The following PKD1 variants were observed in gnomAD, a reference collection of about 807,000 sequenced individuals.
The protein encoded by PKD1 is polycystin 1, transient receptor potential channel interacting.
In PKD1, 81 loss-of-function variants were observed where a neutral mutation model predicts 361.7. The observed-to-expected ratio is 0.22, with a 90% CI of 0.19 to 0.27. The LOEUF is 0.27. Among genes scored for constraint, PKD1 ranks in the 10% least tolerant of loss-of-function variants. PKD1 has a pLI of 1.00. For synonymous variants in PKD1, 3,615 were observed against 2,818.3 expected, an observed-to-expected ratio of 1.28 and a Z score of -8.95; for missense variants, 6,399 against 6,118.3, an observed-to-expected ratio of 1.05 and a Z score of -1.53.
At position 2,089,365 on chromosome 16, in the gene PKD1, G is replaced by A. The variant is rs912624205; in HGVS notation, c.*362C>T. On this transcript the variant is annotated 3_prime_UTR_variant, in exon 46 of 46. Transcript: ENST00000262304. ...AACTTAGGGGCAGGGTGGCGGCGGTGCAGGCTAACCCTCCCTGAAGCCAGC... is the reference window on the plus strand; with the variant it reads ...AACTTAGGGGCAGGGTGGCGGCGGTACAGGCTAACCCTCCCTGAAGCCAGC... The A allele has an allele frequency of 5.3e-6, 2 of 373,976 alleles. No homozygotes were observed. The highest frequency in any genetic ancestry group is 2.0e-5 in the African/African-American group (1 of 48,880). 23.2% of individuals were successfully genotyped at this position (373,976 alleles called of 1,614,324 possible). A position where few individuals can be genotyped will look rare whatever the true frequency, so the allele number is the denominator to read the frequency against.
At chr16:2,107,720 AG>A (rs1172908138) in intron 16 of PKD1, 162 bp downstream of exon 16, 1 of 704,814 alleles carries the variant, frequency 1.4e-6, no homozygotes, top group Non-Finnish European at 2.5e-6. Context: ...CAGGTTTGGA[AG>A]GAAGCAAAGC....
chr16:2,111,838 G>T lies in PKD1; in HGVS notation c.3329C>A (p.Ala1110Asp). The change falls in exon 15 of 46, where the codon GCC (alanine) becomes GAC (aspartate). Residue 1110 changes from alanine (A) to aspartate (D), a missense_variant. Physicochemically the swap from Ala to Asp is moderately radical, Grantham distance 126. Coordinates refer to ENST00000262304, the MANE Select transcript of PKD1 (RefSeq NM_001009944.3). Reference sequence around the variant, plus strand: ...CACCTGCTGCGTCAGGTTCTCGAAGGCATTAGATGCCAGCACGGTCAGGAG... The same window carrying T: ...CACCTGCTGCGTCAGGTTCTCGAAGTCATTAGATGCCAGCACGGTCAGGAG... ...EYLLTVLASN[A>D]FENLTQQVPV... is the part of the protein sequence containing the mutation. 1 of 1,610,280 alleles carries T rather than the reference G, an allele frequency of 6.2e-7. No individual in the cohort carries two copies. The highest frequency in any genetic ancestry group is 1.1e-5 in the South Asian group (1 of 90,982).
Position 2,105,937 on chromosome 16 carries a change from T to C in PKD1, c.7791A>G (p.Pro2597=), listed in dbSNP as rs566533475. Residue 2597 remains proline, a synonymous_variant, in exon 20 of 46, where the codon CCA becomes CCG. Coordinates refer to ENST00000262304, the MANE Select transcript of PKD1 (RefSeq NM_001009944.3). ...WLHGLTASVL[P]GLLRQADPQH... ...GGGGATCGGCCTGCCGCAGCAGCCC[T>C]GGGAGCACACTAGCGGTGAGCCCGT... is the stretch of plus-strand genomic sequence containing the variant. 76 of 1,598,206 alleles carry C rather than the reference T, an allele frequency of 4.8e-5. 2 individuals carry two copies. Among genetic ancestry groups the C allele is most frequent in the African/African-American group, 2.7e-4 (20 of 74,936 alleles).
In PKD1 at chr16:2,089,787, G is replaced by A. The variant is rs772867583; in HGVS notation, c.12852C>T (p.Ala4284=). The A allele has an allele frequency of 3.1e-6, 5 of 1,597,854 alleles. No homozygotes were observed. The highest frequency in any genetic ancestry group is 1.1e-5 in the South Asian group (1 of 88,900). The part of the protein sequence containing the change: ...LARASRGVDL[A]TGPSRTPLRA... The stretch of plus-strand genomic sequence containing the variant: ...GAAGGGGTGTCCTGCTGGGGCCAGT[G>A]GCCAGGTCCACACCCCGACTGGCCC... Residue 4284 remains alanine (A), a synonymous_variant, in exon 46 of 46, where the codon GCC becomes GCT. Transcript: ENST00000262304.
At chr16:2,117,211 C>G (rs1384310563) in intron 6 of PKD1, among the ~76,000 whole-genome samples, 158 bp from the exon 7 acceptor site, 1 of 152,224 alleles carries the variant, frequency 6.6e-6, no homozygotes, top group African/African-American at 2.4e-5. Context: ...AGGCTCACAG[C>G]AGCACCCACC....
intron 26 of PKD1, 187 bp downstream of exon 26, chr16:2,101,874 G>A (rs2092111142): frequency 1.6e-6 from 1 of 626,342 alleles, no homozygotes; most frequent in African/African-American, 1.8e-5. Flanking sequence ...CCAGCTAGGA[G>A]CTGTCCTAGT....
At chr16:2,104,713 G>T in intron 21 of PKD1, 71 bp from the exon 22 acceptor site, 1 of 857,380 alleles carries the variant, frequency 1.2e-6, no homozygotes, top group Non-Finnish European at 1.9e-6. Context: ...TCTCTACACG[G>T]GTCCTCACCT....
intron 1 of PKD1, among the ~76,000 whole-genome samples, chr16:2,131,031 T>C (rs2151850009): frequency 6.6e-6 from 1 of 152,314 alleles, no homozygotes; most frequent in South Asian, 2.1e-4. Flanking sequence ...GGACAACCTC[T>C]GGGACAATGG....
In PKD1 at chr16:2,108,620, T is replaced by A; in HGVS notation, c.6547A>T (p.Thr2183Ser). The A allele has an allele frequency of 6.4e-7, 1 of 1,559,796 alleles. No homozygotes were observed. The highest frequency in any genetic ancestry group is 1.4e-5 in the African/African-American group (1 of 74,024). ...VDLRDCVTYQ[T>S]EYRWEVYRTA... ...CGATACACCTCCCAGCGGTACTCAG[T>A]CTGGTAGGTGACGCAGTCGCGCAGG... Residue 2183 changes from threonine to serine, a missense_variant, in exon 15 of 46, where the codon ACT (threonine) becomes TCT (serine). By Grantham distance (58) the Thr-to-Ser change is moderately conservative. Transcript: ENST00000262304.
rs536675983 is a variant in PKD1 at position 2,109,032 on chromosome 16, G to A, written c.6135C>T (p.Ala2045=). 12 of 1,609,022 alleles carry A rather than the reference G, an allele frequency of 7.5e-6. No individual in the cohort carries two copies. Among genetic ancestry groups the A allele is most frequent in the Middle Eastern group, 1.9e-4 (1 of 5,324 alleles). ...CCAGCGTGCGGTTCTCACTGCCCAG[G>A]GCGTTGAAGGCGCGCACCTGGATCT... ...LLEIQVRAFN[A]LGSENRTLVL... is the part of the protein sequence containing the mutation. The change falls in exon 15 of 46, where the codon GCC becomes GCT. Residue 2045 remains alanine, a synonymous_variant. Transcript: ENST00000262304.
chr16:2,124,426 C>T (rs1041496625), intron 1 of PKD1, among the ~76,000 whole-genome samples: 1 of 152,246 alleles, frequency 6.6e-6, no homozygotes, highest in African/African-American at 2.4e-5. Context: ...AAGCCTGAGG[C>T]TGGCAGGGCC....
At chr16:2,108,102 G>A (rs2092406130) in intron 15 of PKD1, 70 bp from the exon 16 acceptor site, 2 of 1,565,022 alleles carry the variant, frequency 1.3e-6, no homozygotes, top group East Asian at 2.3e-5. Context: ...GCCCGGCCCA[G>A]GAGACAGCGC....
intron 1 of PKD1, among the ~76,000 whole-genome samples, chr16:2,130,158 G>A (rs541072252): frequency 1.2e-4 from 19 of 152,354 alleles, no homozygotes; most frequent in East Asian, 1.9e-4. Flanking sequence ...ACGCAGGCAC[G>A]TTCTGAACGC....
At position 2,093,054 on chromosome 16, in the gene PKD1, G is replaced by A; in HGVS notation, c.11056C>T (p.Leu3686=). 2 of 1,612,856 alleles carry A rather than the reference G, an allele frequency of 1.2e-6. No individual in the cohort carries two copies. The highest frequency in any genetic ancestry group is 2.2e-5 in the East Asian group (1 of 44,884). Reference sequence around the variant, plus strand: ...CATGAGGCATCCCCATAGCTGGCCAGCAGGGTCACCAGCAGAAAAAGCATG... The same window carrying A: ...CATGAGGCATCCCCATAGCTGGCCAACAGGGTCACCAGCAGAAAAAGCATG... ...VYMLFLLVTL[L]ASYGDASCHG... Residue 3686 remains leucine (L), a synonymous_variant, in exon 38 of 46, where the codon CTG becomes TTG. Coordinates refer to ENST00000262304, the MANE Select transcript of PKD1 (RefSeq NM_001009944.3).
intron 22 of PKD1, among the ~76,000 whole-genome samples, chr16:2,104,226 GATGA>G (rs2092236918): frequency 3.1e-5 from 1 of 32,014 alleles, no homozygotes; most frequent in Non-Finnish European, 5.9e-5. Context: ...GGATGAGGGG[GATGA>G]GGAAGATGAG....
chr16:2,105,823 C>A (rs758545236), intron 20 of PKD1, 42 bp downstream of exon 20: 19 of 1,577,480 alleles, frequency 1.2e-5, no homozygotes, highest in Non-Finnish European at 1.3e-5. Flanking sequence ...GTCCCAAGCA[C>A]GCATGCAGCA....
At position 2,108,934 on chromosome 16, in the gene PKD1, T is replaced by G; in HGVS notation, c.6233A>C (p.Gln2078Pro). ...GCTGGGGCTGGTGGCGGCCTCAAAC[T>G]GCGCCGAGCGGTTGGTGAAGCAGGG... is the stretch of plus-strand genomic sequence containing the variant. Reference protein sequence around the residue: ...SGPCFTNRSAQFEAATSPSPR... With the variant: ...SGPCFTNRSAPFEAATSPSPR... Residue 2078 changes from glutamine to proline, a missense_variant, in exon 15 of 46, where the codon CAG (glutamine) becomes CCG (proline). By Grantham distance (76) the Gln-to-Pro change is moderately conservative. Coordinates refer to ENST00000262304, the MANE Select transcript of PKD1 (RefSeq NM_001009944.3). 6.2e-7 allele frequency: 1 copy of G among 1,601,062 alleles called. No individual in the cohort carries two copies. Among genetic ancestry groups the G allele is most frequent in the African/African-American group, 1.3e-5 (1 of 74,738 alleles).
Position 2,101,291 on chromosome 16 carries a change from T to G in PKD1, c.9398-725A>C, listed in dbSNP as rs183675251. Among the ~76,000 whole-genome samples, 534 of 152,074 alleles carry G rather than the reference T, an allele frequency of 3.5e-3. 1 individual carries two copies. The highest frequency in any genetic ancestry group is 0.012 in the African/African-American group (515 of 41,460). On this transcript the variant is annotated intron_variant, in intron 26 of 45. Coordinates refer to ENST00000262304, the MANE Select transcript of PKD1 (RefSeq NM_001009944.3). ...GAGCCACCGCGCCCGGCCGACAGTTTTTAAAAGTAGGTAATCAAAAGAAAG... is the reference window on the plus strand; with the variant it reads ...GAGCCACCGCGCCCGGCCGACAGTTGTTAAAAGTAGGTAATCAAAAGAAAG...
chr16:2,092,900 A>G, intron 38 of PKD1, 54 bp downstream of exon 38: 1 of 1,607,310 alleles, frequency 6.2e-7, no homozygotes, highest in Non-Finnish European at 8.5e-7. Flanking sequence ...GTCTGGCTGG[A>G]CTAAAGGCAA....
Sources: gnomAD v4.1 joint callset for allele counts (sites outside exome capture counted in the v4.1 genomes callset) on GRCh38, gnomAD v4.1.1 for gene constraint, MANE v1.5 for transcripts, NCBI Gene and HGNC (gene_info 2026-07-23, HGNC 2026-07-21) for gene names.